Variants in AGAP1 observed in about 807,000 individuals in gnomAD.
AGAP1 encodes ArfGAP with GTPase domain, ankyrin repeat and PH domain 1, also known as arf-GAP with GTPase, ANK repeat and PH domain-containing protein 1.
AGAP1 carries 29 observed loss-of-function variants against 105.3 expected under a neutral mutation model. That is an observed-to-expected ratio of 0.28 (90% confidence interval 0.21 to 0.38). The LOEUF (loss-of-function observed/expected upper bound fraction) is 0.38. Among genes scored for constraint, AGAP1 ranks in the 10% least tolerant of loss-of-function variants. The probability of loss-of-function intolerance (pLI) is 1.00; values close to 1 mark genes in which losing one functional copy is unlikely to be tolerated. For synonymous variants in AGAP1, 509 were observed against 485.9 expected, an observed-to-expected ratio of 1.05 and a Z score of -0.63; for missense variants, 998 against 1,165.1, an observed-to-expected ratio of 0.86 and a Z score of 2.09.
intron 16 of AGAP1, among the ~76,000 whole-genome samples, chr2:236,118,680 C>T (rs927151552): frequency 7.9e-5 from 12 of 152,132 alleles, no homozygotes; most frequent in African/African-American, 2.7e-4. Flanking sequence ...TGAGCCACTG[C>T]GCCCAGCCTC....
chr2:235,505,718 A>T (rs549634352), intron 1 of AGAP1: 2 of 152,040 alleles, frequency 1.3e-5, no homozygotes, highest in Non-Finnish European at 2.9e-5. Context: ...GAAGCCAGGT[A>T]GCAGTCAGGA....
chr2:235,638,816 C>T (rs1046792236), intron 1 of AGAP1, among the ~76,000 whole-genome samples: 3 of 152,180 alleles, frequency 2.0e-5, no homozygotes, highest in African/African-American at 7.2e-5. Context: ...TGGCGTGGGC[C>T]TCAGGGGTCT....
intron 6 of AGAP1, among the ~76,000 whole-genome samples, chr2:235,768,855 G>A (rs1452801365): frequency 1.3e-5 from 2 of 152,218 alleles, no homozygotes; most frequent in Non-Finnish European, 1.5e-5. Context: ...GGCCAGCGCT[G>A]CAGCTTCCTC....
intron 1 of AGAP1, among the ~76,000 whole-genome samples, chr2:235,661,992 T>C (rs1038176146): frequency 4.6e-5 from 7 of 152,132 alleles, no homozygotes; most frequent in Non-Finnish European, 8.8e-5. Flanking sequence ...GGGAAAGGGC[T>C]TTTGGAGGCC....
At chr2:235,647,425 T>C (rs987723601) in intron 1 of AGAP1, among the ~76,000 whole-genome samples, 5 of 152,156 alleles carry the variant, frequency 3.3e-5, no homozygotes, top group African/African-American at 1.2e-4. Context: ...TCTTGCTCTG[T>C]CACCCGGGCC....
At chr2:235,937,916 T>C (rs2053068875) in intron 12 of AGAP1, among the ~76,000 whole-genome samples, 1 of 152,216 alleles carries the variant, frequency 6.6e-6, no homozygotes, top group South Asian at 2.1e-4. Context: ...CAATGAAAGT[T>C]TCGCTTCCTT....
chr2:236,116,458 TC>T (rs1439843344), intron 16 of AGAP1, among the ~76,000 whole-genome samples: 3 of 151,348 alleles, frequency 2.0e-5, no homozygotes, highest in Non-Finnish European at 2.9e-5. Context: ...CAAGCAATTC[TC>T]CTGCATCAGC....
intron 11 of AGAP1, among the ~76,000 whole-genome samples, chr2:235,909,212 G>A (rs950009673): frequency 3.3e-5 from 5 of 152,166 alleles, no homozygotes; most frequent in Admixed American, 1.3e-4. Flanking sequence ...TCTGAAAAAC[G>A]TGAATTAACG....
Position 235,788,012 on chromosome 2 carries a change from AT to A in AGAP1, c.674-9746del. ...GGGACCAAGAGTTTGACCAAGTATT[AT>A]ACATTCTGGGACCTTCCTAGGCCAT... is the stretch of plus-strand genomic sequence containing the variant. On this transcript the variant is annotated intron_variant, in intron 6 of 17. Transcript: ENST00000304032. The surrounding 1 kb of genome is among the most constrained non-coding windows in gnomAD (Gnocchi z 6.0). Among the ~76,000 whole-genome samples, 1 of 152,318 alleles carries A rather than the reference AT, an allele frequency of 6.6e-6. No individual in the cohort carries two copies. Among genetic ancestry groups the A allele is most frequent in the South Asian group, 2.1e-4 (1 of 4,826 alleles).
chr2:236,067,481 G>A (rs1471266318), intron 16 of AGAP1, among the ~76,000 whole-genome samples: 2 of 152,256 alleles, frequency 1.3e-5, no homozygotes, highest in Non-Finnish European at 2.9e-5. Flanking sequence ...TGTCATATTT[G>A]CTATAATGCT....
Position 235,931,032 on chromosome 2 carries a change from C to A in AGAP1, c.1483+109C>A. The A allele has an allele frequency of 3.1e-6, 4 of 1,298,938 alleles. No individual in the cohort carries two copies. Among genetic ancestry groups the A allele is most frequent in the Non-Finnish European group, 4.1e-6 (4 of 965,202 alleles). The allele number at this position is 1,298,938 out of a possible 1,614,324, so 80.5% of individuals were successfully genotyped here. Reference sequence around the variant, plus strand: ...CTCTCATGCTCCTCTGGGAGCGCAGCACCCTGTGGGGCGGCTGCATCAGAG... The same window carrying A: ...CTCTCATGCTCCTCTGGGAGCGCAGAACCCTGTGGGGCGGCTGCATCAGAG... On this transcript the variant is annotated intron_variant, in intron 12 of 17. Coordinates refer to ENST00000304032, the MANE Select transcript of AGAP1 (RefSeq NM_001037131.3). The surrounding 1 kb of genome is among the most constrained non-coding windows in gnomAD (Gnocchi z 5.6).
chr2:235,696,528 C>A (rs1186126507), intron 1 of AGAP1, among the ~76,000 whole-genome samples: 2 of 152,200 alleles, frequency 1.3e-5, no homozygotes, highest in Non-Finnish European at 2.9e-5. Flanking sequence ...AGGCCACAGA[C>A]CAAGCTCACA....
At position 235,744,527 on chromosome 2, in the gene AGAP1, G is replaced by A. The variant is rs1952782408; in HGVS notation, c.397-171G>A. ...ACCAGGCATGGTGTGCTCAGGAGGA[G>A]GACGTGGATGCCGTGACAGTGTGTA... On this transcript the variant is annotated intron_variant, in intron 4 of 17. Transcript: ENST00000304032. The surrounding 1 kb of genome is among the most constrained non-coding windows in gnomAD (Gnocchi z 5.2). 1.3e-5 allele frequency among the ~76,000 whole-genome samples: 2 copies of A among 152,156 alleles called. No homozygotes were observed.
Position 235,655,655 on chromosome 2 carries a change from G to C in AGAP1, c.164-53524G>C, listed in dbSNP as rs1559318075. Among the ~76,000 whole-genome samples, 1 of 152,230 alleles carries C rather than the reference G, an allele frequency of 6.6e-6. No individual in the cohort carries two copies. The highest frequency in any genetic ancestry group is 1.5e-5 in the Non-Finnish European group (1 of 68,042). ...TGTGAGTGGGATCCCAGGCCAAGCA[G>C]TTAACTGCGTTCCAGCGAAGCAGGT... On this transcript the variant is annotated intron_variant, in intron 1 of 17. Coordinates refer to ENST00000304032, the MANE Select transcript of AGAP1 (RefSeq NM_001037131.3). The surrounding 1 kb of genome is among the most constrained non-coding windows in gnomAD (Gnocchi z 4.3).
chr2:235,591,976 T>A (rs1945357015), intron 1 of AGAP1, among the ~76,000 whole-genome samples: 1 of 151,826 alleles, frequency 6.6e-6, no homozygotes, highest in Non-Finnish European at 1.5e-5. Context: ...TGCTACCAGC[T>A]TCCTGTATAG....
In AGAP1 at chr2:236,130,798, AG is replaced by A. The variant is rs1057330086; in HGVS notation, c.*6679del. ...AAATGCATTTCCTGCCTGGGTTCTC[AG>A]GGTAGGAGAACAGAGAAGGCTCCAA... On this transcript the variant is annotated 3_prime_UTR_variant, in exon 18 of 18. Coordinates refer to ENST00000304032, the MANE Select transcript of AGAP1 (RefSeq NM_001037131.3). The surrounding 1 kb of genome is among the most constrained non-coding windows in gnomAD (Gnocchi z 5.8). The A allele has an allele frequency of 1.3e-5, 2 of 152,514 alleles. No individual in the cohort carries two copies. The highest frequency in any genetic ancestry group is 4.8e-5 in the African/African-American group (2 of 41,430). 9.4% of individuals were successfully genotyped at this position (152,514 alleles called of 1,614,324 possible).
intron 11 of AGAP1, among the ~76,000 whole-genome samples, chr2:235,924,537 A>G (rs1262903149): frequency 6.6e-6 from 1 of 152,160 alleles, no homozygotes; most frequent in Non-Finnish European, 1.5e-5. Flanking sequence ...ACCGGGTCCC[A>G]TCTTCCCCTA....
intron 1 of AGAP1, among the ~76,000 whole-genome samples, chr2:235,572,974 T>TTTTTCTTCTTCTTCTTC (rs1944581728): frequency 7.4e-6 from 1 of 134,280 alleles, no homozygotes; most frequent in African/African-American, 3.5e-5. Context: ...TGCTCCATCT[T>TTTTTCTTCTTCTTCTTC]TTTTCTTCTT....
chr2:235,694,660 AAAAAG>A (rs1949913805), intron 1 of AGAP1, among the ~76,000 whole-genome samples: 2 of 151,836 alleles, frequency 1.3e-5, no homozygotes, highest in African/African-American at 4.8e-5. Context: ...GGAGAAAAAA[AAAAAG>A]AAAAAAAGGA....
Sources: gnomAD v4.1 joint callset for allele counts (sites outside exome capture counted in the v4.1 genomes callset) on GRCh38, gnomAD v4.1.1 for gene constraint, Gnocchi (gnomAD v3.1) non-coding constraint, MANE v1.5 for transcripts, NCBI Gene and HGNC (gene_info 2026-07-23, HGNC 2026-07-21) for gene names.